Variants in ITSN1 observed in about 807,000 individuals in gnomAD.
ITSN1 encodes intersectin-1.
Under a neutral mutation model 239.8 loss-of-function variants are expected in ITSN1, and 58 were observed. That is an observed-to-expected ratio of 0.24 (90% CI 0.20 to 0.30). The LOEUF is 0.30. Ranked by LOEUF, ITSN1 falls within the 10% of genes least tolerant of loss-of-function variation. ITSN1 has a pLI of 1.00. For synonymous variants in ITSN1, 780 were observed against 770.8 expected (o/e 1.01, Z -0.20); for missense variants, 1,558 against 2,103.3 (o/e 0.74, Z 5.07).
At chr21:33,814,592 A>G (rs1240713830) in intron 22 of ITSN1, 1 of 153,108 alleles carries the variant, frequency 6.5e-6, no homozygotes, top group Non-Finnish European at 1.5e-5. Context: ...CTTTTGCTTA[A>G]TACAATAATG....
At chr21:33,846,851 A>G (rs1340528873) in intron 29 of ITSN1, among the ~76,000 whole-genome samples, 2 of 152,252 alleles carry the variant, frequency 1.3e-5, no homozygotes, top group South Asian at 2.1e-4. Flanking sequence ...CGTTTACAAA[A>G]TAAGTTCTCA....
intron 34 of ITSN1, among the ~76,000 whole-genome samples, chr21:33,877,148 G>C (rs987199256): frequency 1.4e-5 from 2 of 142,556 alleles, no homozygotes; most frequent in African/African-American, 5.3e-5. Flanking sequence ...CTGCCTCCCA[G>C]GTTCAAGCAG....
intron 29 of ITSN1, among the ~76,000 whole-genome samples, chr21:33,841,776 A>G (rs925570984): frequency 3.9e-5 from 6 of 152,222 alleles, no homozygotes; most frequent in African/African-American, 1.4e-4. Flanking sequence ...TTTTATGGAA[A>G]TGACATTGGA....
intron 29 of ITSN1, among the ~76,000 whole-genome samples, chr21:33,851,036 T>C (rs1454546961): frequency 6.6e-6 from 1 of 152,178 alleles, no homozygotes; most frequent in Non-Finnish European, 1.5e-5. Flanking sequence ...AGGTAGATCC[T>C]TTCCCTTAAA....
At chr21:33,666,324 T>C (rs563305212) in intron 1 of ITSN1, among the ~76,000 whole-genome samples, 3 of 152,242 alleles carry the variant, frequency 2.0e-5, no homozygotes, top group Admixed American at 6.5e-5. Flanking sequence ...GGATTTCTAT[T>C]TGGGGTGATG....
intron 5 of ITSN1, 183 bp from the exon 6 acceptor site, chr21:33,749,960 C>A: frequency 1.7e-6 from 1 of 601,826 alleles, no homozygotes; most frequent in South Asian, 2.1e-5. Context: ...AGTCTTGAGT[C>A]CTTTTGATGT....
At chr21:33,816,345 A>G (rs2073267823) in intron 22 of ITSN1, among the ~76,000 whole-genome samples, 2 of 152,212 alleles carry the variant, frequency 1.3e-5, no homozygotes, top group Non-Finnish European at 1.5e-5. Flanking sequence ...TATCATAGCA[A>G]TACTGTGCAT....
chr21:33,718,808 C>T lies in ITSN1; in HGVS notation c.-21C>T. 2 of 1,609,906 alleles carry T rather than the reference C, an allele frequency of 1.2e-6. No individual in the cohort carries two copies. The highest frequency in any genetic ancestry group is 1.7e-6 in the Non-Finnish European group (2 of 1,177,506). ...ATTTTCACTTACAGGCGTCGATTAG[C>T]AAGGTAAAAGTAACAGAACCATGGC... On this transcript the variant is annotated 5_prime_UTR_variant, in exon 2 of 40. Transcript: ENST00000381318.
At chr21:33,734,063 A>G (rs1439216263) in intron 4 of ITSN1, among the ~76,000 whole-genome samples, 1 of 152,170 alleles carries the variant, frequency 6.6e-6, no homozygotes. Flanking sequence ...TGGTATTTTA[A>G]TTGAACTGTC....
intron 32 of ITSN1, among the ~76,000 whole-genome samples, chr21:33,866,826 A>C (rs1981680295): frequency 6.6e-6 from 1 of 152,140 alleles, no homozygotes; most frequent in Admixed American, 6.5e-5. Context: ...CCCTTCCAGC[A>C]GTTCTGGGGT....
At chr21:33,750,351 A>C (rs746148189) in intron 6 of ITSN1, 29 bp downstream of exon 6, 1 of 1,589,636 alleles carries the variant, frequency 6.3e-7, no homozygotes, top group Non-Finnish European at 8.6e-7. Flanking sequence ...CCATAGGCTG[A>C]GTTTTTACTA....
chr21:33,836,355 A>T, intron 28 of ITSN1, 86 bp from the exon 29 acceptor site: 1 of 946,094 alleles, frequency 1.1e-6, no homozygotes, highest in African/African-American at 1.7e-5. Flanking sequence ...CAGAAATAGT[A>T]GCTGGGAATG....
intron 29 of ITSN1, among the ~76,000 whole-genome samples, chr21:33,856,151 C>T (rs1290910642): frequency 6.6e-6 from 1 of 152,226 alleles, no homozygotes; most frequent in Non-Finnish European, 1.5e-5. Context: ...ATGCAGTTCA[C>T]CACCTGACAT....
At chr21:33,653,572 G>A (rs2088752364) in intron 1 of ITSN1, among the ~76,000 whole-genome samples, 1 of 151,706 alleles carries the variant, frequency 6.6e-6, no homozygotes, top group Admixed American at 6.6e-5. Context: ...GCCCAGGCTG[G>A]AGTGCAGTGG....
chr21:33,851,705 C>CT (rs1978323283), intron 29 of ITSN1, among the ~76,000 whole-genome samples: 1 of 137,526 alleles, frequency 7.3e-6, no homozygotes, highest in East Asian at 2.2e-4. Context: ...GGCCTGGGCT[C>CT]TTTTTTTAAT....
intron 24 of ITSN1, among the ~76,000 whole-genome samples, chr21:33,822,659 G>A (rs939540830): frequency 6.6e-6 from 1 of 152,084 alleles, no homozygotes; most frequent in Admixed American, 6.5e-5. Flanking sequence ...CTTCTGTAAT[G>A]CACACCCTTC....
At chr21:33,654,101 C>T (rs1032367953) in intron 1 of ITSN1, among the ~76,000 whole-genome samples, 2 of 152,022 alleles carry the variant, frequency 1.3e-5, no homozygotes, top group Non-Finnish European at 2.9e-5. Flanking sequence ...AGGCTGAGTG[C>T]AGTGGCATGA....
Position 33,885,528 on chromosome 21 carries a change from G to T in ITSN1, c.4843+6G>T, listed in dbSNP as rs1346709775. 2 of 1,612,894 alleles carry T rather than the reference G, an allele frequency of 1.2e-6. No homozygotes were observed. Among genetic ancestry groups the T allele is most frequent in the Non-Finnish European group, 1.7e-6 (2 of 1,179,038 alleles). ...GAAACCCTGTCGGTCACATGGTAAGGCTGTGAGGCGCCCCCGGCTCCTGCT... is the reference window on the plus strand; with the variant it reads ...GAAACCCTGTCGGTCACATGGTAAGTCTGTGAGGCGCCCCCGGCTCCTGCT... On this transcript the variant is annotated splice_donor_region_variant and intron_variant, in intron 38 of 39. Transcript: ENST00000381318.
chr21:33,662,033 A>G (rs188001903), intron 1 of ITSN1, among the ~76,000 whole-genome samples: 48 of 152,290 alleles, frequency 3.2e-4, no homozygotes, highest in Non-Finnish European at 6.0e-4. Flanking sequence ...GCCTTGTAGG[A>G]TAAAATCTAA....
Sources: gnomAD v4.1 joint callset for allele counts (sites outside exome capture counted in the v4.1 genomes callset) on GRCh38, gnomAD v4.1.1 for gene constraint, MANE v1.5 for transcripts, NCBI Gene and HGNC (gene_info 2026-07-23, HGNC 2026-07-21) for gene names.